The following FBXL17 variants were observed in gnomAD, a reference collection of about 807,000 sequenced individuals.
FBXL17 encodes the protein F-box/LRR-repeat protein 17.
A neutral mutation model predicts 66.2 loss-of-function variants in FBXL17; 22 were observed. That is an observed-to-expected ratio of 0.33 (90% CI 0.24 to 0.47). The LOEUF (loss-of-function observed/expected upper bound fraction) is 0.47. Among genes scored for constraint, FBXL17 ranks in the 20% least tolerant of loss-of-function variants. FBXL17 has a pLI of 1.00. For missense variants in FBXL17, 878 were observed against 948.2 expected (o/e 0.93, Z 0.97); for synonymous variants, 474 against 400.5 (o/e 1.18, Z -2.19).
intron 7 of FBXL17, among the ~76,000 whole-genome samples, chr5:107,910,430 G>T (rs2112546020): frequency 6.6e-6 from 1 of 152,088 alleles, no homozygotes; most frequent in African/African-American, 2.4e-5. Flanking sequence ...TCACTAAAAA[G>T]TATCCATCTG....
intron 6 of FBXL17, among the ~76,000 whole-genome samples, chr5:108,162,030 A>G (rs1023017660): frequency 6.6e-5 from 10 of 152,274 alleles, no homozygotes; most frequent in African/African-American, 1.9e-4. Context: ...ATGAAAACGT[A>G]AAGTGGCAAA....
At chr5:108,168,878 A>T (rs1752505772) in intron 6 of FBXL17, among the ~76,000 whole-genome samples, 2 of 152,228 alleles carry the variant, frequency 1.3e-5, no homozygotes, top group South Asian at 4.1e-4. Context: ...AAGAAAAATA[A>T]AACCATTCAA....
chr5:108,159,955 T>C (rs1384070849), intron 6 of FBXL17, among the ~76,000 whole-genome samples: 1 of 152,136 alleles, frequency 6.6e-6, no homozygotes, highest in African/African-American at 2.4e-5. Flanking sequence ...ACTTTCTCTA[T>C]ATGTAAAAAG....
chr5:108,307,000 T>C (rs1425841408), intron 4 of FBXL17, among the ~76,000 whole-genome samples: 2 of 152,062 alleles, frequency 1.3e-5, no homozygotes, highest in Middle Eastern at 3.2e-3. Flanking sequence ...ATGATATACA[T>C]TATCTTTAGG....
intron 7 of FBXL17, among the ~76,000 whole-genome samples, chr5:107,994,866 C>A (rs1482905757): frequency 1.3e-5 from 2 of 151,674 alleles, no homozygotes; most frequent in Admixed American, 6.6e-5. Context: ...AACAAAAACA[C>A]CTATACAGAT....
intron 7 of FBXL17, among the ~76,000 whole-genome samples, chr5:107,958,400 T>G (rs1032274474): frequency 4.6e-5 from 7 of 152,212 alleles, no homozygotes; most frequent in Non-Finnish European, 8.8e-5. Context: ...TATATGGACC[T>G]CAGAGTAATC....
In FBXL17 at chr5:108,009,263, ATATATATAT is replaced by A. The variant is rs1754068800; in HGVS notation, c.1822+11653_1822+11661del. Among the ~76,000 whole-genome samples, 5 of 36,432 alleles carry A rather than the reference ATATATATAT, an allele frequency of 1.4e-4. 1 individual carries two copies. The highest frequency in any genetic ancestry group is 3.3e-3 in the East Asian group (2 of 598). 23.9% of individuals were successfully genotyped at this position (36,432 alleles called of 152,430 possible). A position where few individuals can be genotyped will look rare whatever the true frequency, so the allele number is the denominator to read the frequency against. On this transcript the variant is annotated intron_variant, in intron 7 of 8. Coordinates refer to ENST00000542267, the MANE Select transcript of FBXL17 (RefSeq NM_001163315.3). ...TTGGTCGTGAGTTGTTCCCTGTTTT[ATATATATAT>A]ATATATATATATATATATATATATA...
At chr5:108,138,588 A>T (rs1435164040) in intron 6 of FBXL17, among the ~76,000 whole-genome samples, 1 of 152,220 alleles carries the variant, frequency 6.6e-6, no homozygotes, top group Non-Finnish European at 1.5e-5. Flanking sequence ...AAGATAAATT[A>T]CAGGTAGTCA....
At chr5:108,277,386 G>GA (rs796438848) in intron 4 of FBXL17, among the ~76,000 whole-genome samples, 2 of 152,004 alleles carry the variant, frequency 1.3e-5, no homozygotes, top group East Asian at 3.9e-4. Flanking sequence ...CTTTCTGGGG[G>GA]AAAAAATGTA....
chr5:108,037,358 AATATCACAGT>A (rs1215835453), intron 6 of FBXL17, among the ~76,000 whole-genome samples: 3 of 152,234 alleles, frequency 2.0e-5, no homozygotes, highest in African/African-American at 7.2e-5. Flanking sequence ...AGACAAGGAA[AATATCACAGT>A]TTGTCAATGT....
At chr5:108,253,731 AC>A (rs1561489736) in intron 4 of FBXL17, among the ~76,000 whole-genome samples, 1 of 152,140 alleles carries the variant, frequency 6.6e-6, no homozygotes, top group African/African-American at 2.4e-5. Flanking sequence ...AGTAGCCTAT[AC>A]CTATAATCAT....
At chr5:108,051,077 A>G (rs1054411854) in intron 6 of FBXL17, among the ~76,000 whole-genome samples, 5 of 152,214 alleles carry the variant, frequency 3.3e-5, no homozygotes, top group African/African-American at 1.2e-4. Flanking sequence ...ACAAGTTTGA[A>G]ATTGAGGCAG....
At chr5:107,902,510 CT>C (rs1424788969) in intron 7 of FBXL17, among the ~76,000 whole-genome samples, 1 of 152,022 alleles carries the variant, frequency 6.6e-6, no homozygotes, top group Non-Finnish European at 1.5e-5. Context: ...CACAGCATTC[CT>C]TTATTAGGGT....
chr5:108,052,242 A>G (rs895075756), intron 6 of FBXL17, among the ~76,000 whole-genome samples: 1 of 152,226 alleles, frequency 6.6e-6, no homozygotes, highest in Non-Finnish European at 1.5e-5. Flanking sequence ...AAGGGTATTC[A>G]AATAGGAAAA....
At chr5:108,321,079 A>T (rs34747859) in intron 4 of FBXL17, among the ~76,000 whole-genome samples, 22,152 of 151,756 alleles carry the variant, frequency 0.15, 1,915 homozygotes, top group South Asian at 0.33. Flanking sequence ...GATGCTTATA[A>T]GAAATTATTT....
chr5:108,167,006 TA>T (rs1752438621), intron 6 of FBXL17, among the ~76,000 whole-genome samples: 1 of 152,142 alleles, frequency 6.6e-6, no homozygotes, highest in African/African-American at 2.4e-5. Context: ...AAATATAAAA[TA>T]GCTATATACT....
chr5:108,271,536 A>G (rs1158838503), intron 4 of FBXL17, among the ~76,000 whole-genome samples: 1 of 152,216 alleles, frequency 6.6e-6, no homozygotes, highest in Non-Finnish European at 1.5e-5. Context: ...ATTATCAAGG[A>G]TGGGCAGCTA....
chr5:108,284,964 T>C (rs1345360768), intron 4 of FBXL17, among the ~76,000 whole-genome samples: 1 of 151,856 alleles, frequency 6.6e-6, no homozygotes, highest in African/African-American at 2.4e-5. Context: ...TTCTTTCTAC[T>C]ACAGAGTAAA....
At chr5:108,025,913 C>CCAA (rs1754804469) in intron 6 of FBXL17, among the ~76,000 whole-genome samples, 1 of 132,512 alleles carries the variant, frequency 7.5e-6, no homozygotes, top group Non-Finnish European at 1.8e-5. Context: ...TGGTATCTTA[C>CCAA]AGAAAGAATA....
Sources: allele counts gnomAD v4.1 joint callset (sites outside exome capture counted in the v4.1 genomes callset), GRCh38; gene constraint gnomAD v4.1.1; transcripts MANE v1.5; gene names NCBI Gene and HGNC (gene_info 2026-07-23, HGNC 2026-07-21).